ERBB4: variants seen among roughly 807,000 people sequenced by gnomAD.
ERBB4 encodes the protein receptor tyrosine-protein kinase erbB-4.
ERBB4 carries 42 observed loss-of-function variants against 158.0 expected under a neutral mutation model. That is an observed-to-expected ratio of 0.27 (90% CI 0.21 to 0.34). The LOEUF (loss-of-function observed/expected upper bound fraction) is 0.34. Among genes scored for constraint, ERBB4 ranks in the 10% least tolerant of loss-of-function variants. ERBB4 has a pLI of 1.00. For synonymous variants in ERBB4, 583 were observed against 558.7 expected (o/e 1.04, Z -0.61); for missense variants, 1,333 against 1,624.1 (o/e 0.82, Z 3.08).
At chr2:212,449,664 T>C (rs972745012) in intron 1 of ERBB4, among the ~76,000 whole-genome samples, 3 of 152,138 alleles carry the variant, frequency 2.0e-5, no homozygotes, top group Admixed American at 1.3e-4. Flanking sequence ...ATATTAGCTA[T>C]TCACATTGCA....
At chr2:212,047,647 T>A (rs1246221663) in intron 2 of ERBB4, among the ~76,000 whole-genome samples, 1 of 150,954 alleles carries the variant, frequency 6.6e-6, no homozygotes, top group Non-Finnish European at 1.5e-5. Flanking sequence ...TAATTTTTTT[T>A]TTTTTTTTTG....
chr2:211,970,863 T>C (rs1230275410), intron 2 of ERBB4, among the ~76,000 whole-genome samples: 1 of 152,188 alleles, frequency 6.6e-6, no homozygotes, highest in Non-Finnish European at 1.5e-5. Context: ...ATTGGGGCAT[T>C]TAGCCTATTT....
At chr2:212,214,026 T>C (rs2083018159) in intron 1 of ERBB4, among the ~76,000 whole-genome samples, 1 of 151,864 alleles carries the variant, frequency 6.6e-6, no homozygotes, top group Non-Finnish European at 1.5e-5. Context: ...GTTGAGGTAT[T>C]CAGAATCCAA....
chr2:211,986,217 C>T (rs2081933601), intron 2 of ERBB4, among the ~76,000 whole-genome samples: 1 of 152,144 alleles, frequency 6.6e-6, no homozygotes, highest in South Asian at 2.1e-4. Flanking sequence ...TCCTGCATGA[C>T]TCCTTGATGT....
intron 3 of ERBB4, among the ~76,000 whole-genome samples, chr2:211,885,855 T>C (rs1353023336): frequency 2.0e-5 from 3 of 152,208 alleles, no homozygotes; most frequent in African/African-American, 7.2e-5. Flanking sequence ...AATTAGTCTT[T>C]AAGTTTCATG....
intron 7 of ERBB4, among the ~76,000 whole-genome samples, chr2:211,716,362 CAAAAAAAA>C (rs534486221): frequency 7.2e-5 from 5 of 69,282 alleles, no homozygotes; most frequent in Admixed American, 2.8e-4. Flanking sequence ...AACTCTGTCT[CAAAAAAAA>C]AAAAAAAAAA....
At chr2:211,961,961 C>T (rs1021256218) in intron 2 of ERBB4, among the ~76,000 whole-genome samples, 5 of 152,052 alleles carry the variant, frequency 3.3e-5, no homozygotes, top group African/African-American at 9.7e-5. Context: ...TACAAGAAAG[C>T]AATTTCTATA....
intron 1 of ERBB4, among the ~76,000 whole-genome samples, chr2:212,370,394 T>C (rs1289515054): frequency 1.3e-5 from 2 of 152,172 alleles, no homozygotes; most frequent in Non-Finnish European, 2.9e-5. Flanking sequence ...ATTAATAAAC[T>C]GACCAAACAC....
At chr2:211,770,358 A>G (rs2075659527) in intron 4 of ERBB4, among the ~76,000 whole-genome samples, 1 of 152,226 alleles carries the variant, frequency 6.6e-6, no homozygotes, top group Non-Finnish European at 1.5e-5. Flanking sequence ...AAGCATTCTT[A>G]AATTCCAAAA....
intron 1 of ERBB4, among the ~76,000 whole-genome samples, chr2:212,217,663 A>AT (rs1299635932): frequency 1.3e-5 from 2 of 151,458 alleles, no homozygotes; most frequent in East Asian, 1.9e-4. Context: ...CATCAAGTAC[A>AT]TTCAGAGGTA....
intron 19 of ERBB4, among the ~76,000 whole-genome samples, chr2:211,607,929 G>A (rs1033940187): frequency 6.9e-6 from 1 of 145,574 alleles, no homozygotes; most frequent in Non-Finnish European, 1.5e-5. Context: ...GAGTGTAGTG[G>A]TGCGATCTCT....
intron 2 of ERBB4, among the ~76,000 whole-genome samples, chr2:211,975,193 G>A (rs148700688): frequency 8.1e-4 from 123 of 152,220 alleles, no homozygotes; most frequent in African/African-American, 2.7e-3. Context: ...TGTTGCTCAA[G>A]ACAATCTTGA....
At chr2:211,522,141 G>C (rs577999283) in intron 20 of ERBB4, among the ~76,000 whole-genome samples, 14 of 152,202 alleles carry the variant, frequency 9.2e-5, no homozygotes, top group Admixed American at 1.3e-4. Flanking sequence ...TGATTGATCT[G>C]GACAAAGTAA....
chr2:212,507,717 T>C (rs1166717043), intron 1 of ERBB4, among the ~76,000 whole-genome samples: 1 of 152,186 alleles, frequency 6.6e-6, no homozygotes, highest in Non-Finnish European at 1.5e-5. Context: ...AGATGAGGAA[T>C]TGCTTCTTAT....
intron 1 of ERBB4, among the ~76,000 whole-genome samples, chr2:212,231,125 G>A (rs942470098): frequency 7.2e-5 from 11 of 152,100 alleles, no homozygotes; most frequent in African/African-American, 2.7e-4. Context: ...TCTTCCAAAA[G>A]TAACTACTTT....
chr2:212,132,525 G>A (rs2080136929), intron 1 of ERBB4, among the ~76,000 whole-genome samples: 1 of 152,132 alleles, frequency 6.6e-6, no homozygotes, highest in South Asian at 2.1e-4. Context: ...TAAAAAGGCA[G>A]AGGAAAATGG....
chr2:212,538,630 G>C lies in ERBB4; in HGVS notation c.-100C>G, dbSNP rs1297680271. 2.4e-6 allele frequency: 3 copies of C among 1,247,914 alleles called. No individual in the cohort carries two copies. The highest frequency in any genetic ancestry group is 3.5e-6 in the Non-Finnish European group (3 of 859,414). 77.3% of individuals were successfully genotyped at this position (1,247,914 alleles called of 1,614,324 possible). The stretch of plus-strand genomic sequence containing the variant: ...AGATCCCCCAGCCGGGCGCGCGTGG[G>C]GGTGCGAGGGGGGCGGGCGCGGCGC... On this transcript the variant is annotated 5_prime_UTR_variant, in exon 1 of 28. Coordinates refer to ENST00000342788, the MANE Select transcript of ERBB4 (RefSeq NM_005235.3).
intron 16 of ERBB4, among the ~76,000 whole-genome samples, chr2:211,647,409 A>G (rs2105871827): frequency 1.3e-5 from 2 of 151,748 alleles, no homozygotes; most frequent in South Asian, 4.1e-4. Context: ...AGAAACTTCC[A>G]TATCTGTATA....
At chr2:212,223,332 TTA>T (rs58824300) in intron 1 of ERBB4, among the ~76,000 whole-genome samples, 69,403 of 143,962 alleles carry the variant, frequency 0.48, 17,033 homozygotes, top group East Asian at 0.76. Flanking sequence ...CTTATTAAGC[TTA>T]TATATATATA....
Sources: gnomAD v4.1 joint callset for allele counts (sites outside exome capture counted in the v4.1 genomes callset) on GRCh38, gnomAD v4.1.1 for gene constraint, MANE v1.5 for transcripts, NCBI Gene and HGNC (gene_info 2026-07-23, HGNC 2026-07-21) for gene names.